Variants in MASP1 observed in about 807,000 individuals in gnomAD.
MASP1 encodes MBL associated serine protease 1.
MASP1 carries 59 observed loss-of-function variants against 77.1 expected under a neutral mutation model. The observed-to-expected ratio is 0.77, with a 90% CI of 0.62 to 0.95. The LOEUF (loss-of-function observed/expected upper bound fraction) is 0.95, where lower values mean the gene tolerates loss of function less well. MASP1 is among the 40% of genes least tolerant of loss of function. The probability of loss-of-function intolerance (pLI) is 0.00; values close to 1 mark genes in which losing one functional copy is unlikely to be tolerated. For missense variants in MASP1, 885 were observed against 912.9 expected, an observed-to-expected ratio of 0.97 and a Z score of 0.39; for synonymous variants, 362 against 354.5, an observed-to-expected ratio of 1.02 and a Z score of -0.24.
In MASP1 at chr3:187,291,624, G is replaced by A. The variant is rs72549254; in HGVS notation, c.5+4C>T. ...ACCGTGCCCTCTCCTCCCCTGGCAC[G>A]TACCTCATTTTCCTGCCTTGGGTGC... On this transcript the variant is annotated splice_donor_region_variant and intron_variant, in intron 1 of 10. Coordinates refer to ENST00000296280, the MANE Select transcript of MASP1 (RefSeq NM_139125.4). 0.15 allele frequency: 249,180 copies of A among 1,613,316 alleles called. 19,669 individuals carry two copies. The highest frequency in any genetic ancestry group is 0.22 in the African/African-American group (16,274 of 74,966).
intron 8 of MASP1, among the ~76,000 whole-genome samples, chr3:187,245,585 T>C (rs1336070788): frequency 6.6e-6 from 1 of 152,096 alleles, no homozygotes; most frequent in African/African-American, 2.4e-5. Flanking sequence ...AAGTCCACAG[T>C]GGCAGGGAAA....
At position 187,284,604 on chromosome 3, in the gene MASP1, G is replaced by A. The variant is rs79583993; in HGVS notation, c.237+1221C>T. 8.5e-3 allele frequency among the ~76,000 whole-genome samples: 1,291 copies of A among 152,310 alleles called. 23 individuals are homozygous for A. The highest frequency in any genetic ancestry group is 0.029 in the African/African-American group (1,216 of 41,558). ...TACTCTACATATAAAATAAGCGGAAGCACAGTGCCTTTGTATGCCTCTGCT... is the reference window on the plus strand; with the variant it reads ...TACTCTACATATAAAATAAGCGGAAACACAGTGCCTTTGTATGCCTCTGCT... On this transcript the variant is annotated intron_variant, in intron 2 of 10. Transcript: ENST00000296280.
chr3:187,280,708 T>C (rs577107905), intron 2 of MASP1, among the ~76,000 whole-genome samples: 92 of 152,348 alleles, frequency 6.0e-4, no homozygotes, highest in African/African-American at 2.2e-3. Context: ...ACATAAAAAC[T>C]AGTCATTCAC....
At chr3:187,254,226 G>A (rs766977718) in intron 5 of MASP1, among the ~76,000 whole-genome samples, 1 of 152,186 alleles carries the variant, frequency 6.6e-6, no homozygotes, top group African/African-American at 2.4e-5. Context: ...TATGCTGTAT[G>A]TTTATAATTG....
chr3:187,239,453 A>G (rs557476213), intron 10 of MASP1, among the ~76,000 whole-genome samples: 4 of 152,322 alleles, frequency 2.6e-5, no homozygotes, highest in Admixed American at 2.0e-4. Context: ...ACCAAAGATC[A>G]CAGTTAGGAA....
chr3:187,220,184 C>G, exon 16 of MASP1: 1 of 1,614,188 alleles, frequency 6.2e-7, no homozygotes, highest in Non-Finnish European at 8.5e-7. Flanking sequence ...ACAGTGCCCA[C>G]CAGGTACCAC....
intron 11 of MASP1, among the ~76,000 whole-genome samples, chr3:187,227,731 TG>T (rs1276225351): frequency 6.6e-6 from 1 of 152,186 alleles, no homozygotes; most frequent in Non-Finnish European, 1.5e-5. Context: ...ATTTTCCAGG[TG>T]GATCAGGTGG....
intron 4 of MASP1, 30 bp downstream of exon 4, chr3:187,260,711 G>A (rs766431041): frequency 6.2e-7 from 1 of 1,613,974 alleles, no homozygotes; most frequent in South Asian, 1.1e-5. Context: ...GCCTATAAGG[G>A]CAATGCATAC....
chr3:187,272,182 A>G (rs533178940), intron 2 of MASP1, among the ~76,000 whole-genome samples: 2 of 149,494 alleles, frequency 1.3e-5, no homozygotes, highest in South Asian at 4.2e-4. Context: ...GAGACAGAAA[A>G]AGAGAAGAAA....
intron 11 of MASP1, among the ~76,000 whole-genome samples, chr3:187,228,029 G>A (rs1481548022): frequency 2.0e-5 from 3 of 152,138 alleles, no homozygotes; most frequent in Non-Finnish European, 4.4e-5. Flanking sequence ...CAGGGAGTGC[G>A]AAGTATGAGG....
At chr3:187,275,949 C>G (rs975134540) in intron 2 of MASP1, among the ~76,000 whole-genome samples, 4 of 152,046 alleles carry the variant, frequency 2.6e-5, no homozygotes, top group African/African-American at 9.7e-5. Flanking sequence ...TAACAGGAAC[C>G]CTGTTTTCCA....
chr3:187,250,117 G>A (rs1333424606), intron 8 of MASP1, 134 bp downstream of exon 8: 1 of 785,424 alleles, frequency 1.3e-6, no homozygotes, highest in African/African-American at 1.7e-5. Flanking sequence ...CCCAACCCTT[G>A]TGTGTCTGTT....
chr3:187,284,410 A>T lies in MASP1; in HGVS notation c.237+1415T>A, dbSNP rs148491883. 3.7e-4 allele frequency among the ~76,000 whole-genome samples: 57 copies of T among 152,308 alleles called. No homozygotes were observed. In the Middle Eastern group the frequency reaches 0.01, roughly 27 times the overall value. ...GTAGAAGCTAGGGATGTTGCTAAAAATCCCACAATGCTCAAGACAGCTTTT... is the reference window on the plus strand; with the variant it reads ...GTAGAAGCTAGGGATGTTGCTAAAATTCCCACAATGCTCAAGACAGCTTTT... On this transcript the variant is annotated intron_variant, in intron 2 of 10. Transcript: ENST00000296280.
intron 15 of MASP1, chr3:187,220,929 CCA>C: frequency 1.1e-6 from 1 of 887,080 alleles, no homozygotes; most frequent in Non-Finnish European, 1.9e-6. Flanking sequence ...CCCCGCGCCC[CCA>C]CACTGCCAGC....
rs758278029 is a variant in MASP1 at position 187,235,577 on chromosome 3, G to T, written c.*107C>A. On this transcript the variant is annotated 3_prime_UTR_variant, in exon 11 of 11. Coordinates refer to ENST00000296280, the MANE Select transcript of MASP1 (RefSeq NM_139125.4). The stretch of plus-strand genomic sequence containing the variant: ...TCTCGGTAGGAGAAGCCACCGCTAG[G>T]TCAGTGTGTTCCATTCCATATGGTC... The T allele has an allele frequency of 2.4e-5, 38 of 1,579,744 alleles. No individual in the cohort carries two copies. The highest frequency in any genetic ancestry group is 3.5e-5 in the Admixed American group (2 of 57,698).
Position 187,234,481 on chromosome 3 carries a change from G to T in MASP1, c.*1203C>A. The T allele has an allele frequency of 7.8e-7, 1 of 1,285,912 alleles. No homozygotes were observed. Among genetic ancestry groups the T allele is most frequent in the Non-Finnish European group, 1.0e-6 (1 of 987,478 alleles). The allele number at this position is 1,285,912 out of a possible 1,614,324, so 79.7% of individuals were successfully genotyped here. The stretch of plus-strand genomic sequence containing the variant: ...AACCAGAGACTCAGACAAAGAAAAT[G>T]ATTTTTCAAAGGTTATACAGCCAGT... On this transcript the variant is annotated 3_prime_UTR_variant, in exon 11 of 11. Coordinates refer to ENST00000296280, the MANE Select transcript of MASP1 (RefSeq NM_139125.4).
chr3:187,269,064 C>CAA (rs35550567), intron 2 of MASP1, among the ~76,000 whole-genome samples: 153 of 115,422 alleles, frequency 1.3e-3, no homozygotes, highest in African/African-American at 4.9e-3. Context: ...GACACTGTCT[C>CAA]AAAAAAAAAA....
At chr3:187,277,758 C>T (rs895732118) in intron 2 of MASP1, among the ~76,000 whole-genome samples, 5 of 152,202 alleles carry the variant, frequency 3.3e-5, no homozygotes, top group Non-Finnish European at 5.9e-5. Flanking sequence ...ATAATCCGTG[C>T]TCTTCCTATT....
intron 3 of MASP1, 101 bp downstream of exon 3, chr3:187,262,442 G>T (rs963788414): frequency 1.8e-6 from 2 of 1,130,662 alleles, no homozygotes; most frequent in African/African-American, 3.1e-5. Context: ...AATCTATGTG[G>T]TGCACACACA....
Sources: allele counts gnomAD v4.1 joint callset (sites outside exome capture counted in the v4.1 genomes callset), GRCh38; gene constraint gnomAD v4.1.1; transcripts MANE v1.5; gene names NCBI Gene and HGNC (gene_info 2026-07-23, HGNC 2026-07-21).